Variants in TENM3 observed in about 807,000 individuals in gnomAD.
TENM3 encodes the protein teneurin-3.
Under a neutral mutation model 255.1 loss-of-function variants are expected in TENM3, and 63 were observed. The observed-to-expected ratio is 0.25, with a 90% CI of 0.20 to 0.30. The LOEUF (loss-of-function observed/expected upper bound fraction) is 0.30. TENM3 is among the 10% of genes least tolerant of loss of function. TENM3 has a pLI of 1.00. For missense variants in TENM3, 2,929 were observed against 3,461.1 expected (o/e 0.85, Z 3.86); for synonymous variants, 1,306 against 1,322.3 (o/e 0.99, Z 0.27).
chr4:182,671,404 C>T lies in TENM3; in HGVS notation c.1112-1601C>T, dbSNP rs181734557. Among the ~76,000 whole-genome samples the T allele has an allele frequency of 6.6e-5, 10 of 152,242 alleles. No individual in the cohort carries two copies. In the South Asian group the frequency reaches 1.2e-3, roughly 19 times the overall value. On this transcript the variant is annotated intron_variant, in intron 6 of 27. Coordinates refer to ENST00000511685, the MANE Select transcript of TENM3 (RefSeq NM_001080477.4). The stretch of plus-strand genomic sequence containing the variant: ...AGTTCCACGGCCATGCTTGTGATAG[C>T]GATGTTTATCCCAGCTCAGAAACCT...
intron 3 of TENM3, among the ~76,000 whole-genome samples, chr4:182,485,677 T>A (rs149408034): frequency 8.7e-4 from 132 of 152,224 alleles, no homozygotes; most frequent in African/African-American, 2.5e-3. Context: ...TTTCTGGAAT[T>A]TGGTATTTTA....
intron 1 of TENM3, among the ~76,000 whole-genome samples, chr4:182,206,088 G>A (rs1754555495): frequency 6.6e-6 from 1 of 151,792 alleles, no homozygotes; most frequent in Non-Finnish European, 1.5e-5. Flanking sequence ...TAAACTAACA[G>A]ATATAATAGG....
At position 182,518,525 on chromosome 4, in the gene TENM3, A is replaced by T. The variant is rs536068847; in HGVS notation, c.512-82399A>T. On this transcript the variant is annotated intron_variant, in intron 3 of 27. Coordinates refer to ENST00000511685, the MANE Select transcript of TENM3 (RefSeq NM_001080477.4). ...GCTTTCCAGTTAGCCTAAAAAAAAA[A>T]AATAGCAAACTGCTGTGTTATGAAG... is the stretch of plus-strand genomic sequence containing the variant. Among the ~76,000 whole-genome samples the T allele has an allele frequency of 4.0e-3, 608 of 152,300 alleles. 9 individuals are homozygous for T. Among genetic ancestry groups the T allele is most frequent in the African/African-American group, 0.013 (561 of 41,566 alleles).
intron 3 of TENM3, among the ~76,000 whole-genome samples, chr4:182,510,971 A>G (rs1045855772): frequency 5.9e-5 from 9 of 152,214 alleles, no homozygotes; most frequent in Non-Finnish European, 1.2e-4. Context: ...GCATTAGCCA[A>G]GAGCAGGCTT....
At chr4:181,973,777 T>G in the TENM3 span, among the ~76,000 whole-genome samples, 1 of 151,744 alleles carries the variant, frequency 6.6e-6, no homozygotes, top group Admixed American at 6.6e-5. Flanking sequence ...TAAATATGAA[T>G]AAAATAAGTA....
the TENM3 span, among the ~76,000 whole-genome samples, chr4:181,703,221 T>A: frequency 5.3e-5 from 8 of 152,106 alleles, no homozygotes; most frequent in Non-Finnish European, 1.2e-4. Flanking sequence ...ACCAGCCAAG[T>A]CTCTCCTGGT....
chr4:181,908,169 C>G, the TENM3 span, among the ~76,000 whole-genome samples: 1 of 152,002 alleles, frequency 6.6e-6, no homozygotes, highest in Non-Finnish European at 1.5e-5. Flanking sequence ...TCAGTTGATT[C>G]TTAGGTTGTT....
At chr4:182,639,170 C>A (rs1410912338) in intron 5 of TENM3, among the ~76,000 whole-genome samples, 1 of 152,106 alleles carries the variant, frequency 6.6e-6, no homozygotes, top group Non-Finnish European at 1.5e-5. Context: ...TCTTATATGA[C>A]AAGATATAAT....
chr4:181,533,446 T>G, the TENM3 span, among the ~76,000 whole-genome samples: 6 of 152,182 alleles, frequency 3.9e-5, no homozygotes, highest in Non-Finnish European at 8.8e-5. Flanking sequence ...CATTCACCTT[T>G]ATGTTCTCAA....
the TENM3 span, among the ~76,000 whole-genome samples, chr4:181,814,195 AC>A: frequency 1.3e-5 from 2 of 152,174 alleles, no homozygotes; most frequent in African/African-American, 4.8e-5. Flanking sequence ...GGCAATGTGT[AC>A]TAGACACATG....
chr4:181,543,216 G>C, the TENM3 span, among the ~76,000 whole-genome samples: 2 of 152,074 alleles, frequency 1.3e-5, no homozygotes, highest in Non-Finnish European at 2.9e-5. Flanking sequence ...CTTCAAACGT[G>C]TGTACTCAAA....
chr4:181,629,376 G>A, the TENM3 span, among the ~76,000 whole-genome samples: 1 of 152,164 alleles, frequency 6.6e-6, no homozygotes, highest in Non-Finnish European at 1.5e-5. Flanking sequence ...ACACTGTGTT[G>A]AATAGGAGTG....
intron 7 of TENM3, among the ~76,000 whole-genome samples, chr4:182,677,334 A>G (rs1165014185): frequency 6.6e-6 from 1 of 152,272 alleles, no homozygotes; most frequent in East Asian, 1.9e-4. Context: ...GGTTATTTCT[A>G]TGATAAAGGT....
chr4:182,731,994 G>C (rs1236044419), intron 16 of TENM3, among the ~76,000 whole-genome samples: 5 of 151,864 alleles, frequency 3.3e-5, no homozygotes, highest in Admixed American at 2.0e-4. Context: ...TGTTGGCCAG[G>C]ATGGTCTCCA....
At chr4:182,466,844 C>T (rs2151427324) in intron 3 of TENM3, among the ~76,000 whole-genome samples, 1 of 143,084 alleles carries the variant, frequency 7.0e-6, no homozygotes, top group Non-Finnish European at 1.5e-5. Flanking sequence ...CTTCTCTTTG[C>T]TGTCTTCAGT....
intron 1 of TENM3, among the ~76,000 whole-genome samples, chr4:182,244,777 A>G (rs1757533165): frequency 6.6e-6 from 1 of 152,234 alleles, no homozygotes; most frequent in Admixed American, 6.5e-5. Flanking sequence ...TTAGGAAACC[A>G]TTCCAACTGT....
intron 3 of TENM3, among the ~76,000 whole-genome samples, chr4:182,414,107 G>A (rs185636288): frequency 2.6e-5 from 4 of 152,190 alleles, no homozygotes; most frequent in Non-Finnish European, 5.9e-5. Flanking sequence ...TCCAAATTTA[G>A]TTTCTAGAAA....
At chr4:182,610,211 G>A (rs1051470517) in intron 4 of TENM3, among the ~76,000 whole-genome samples, 2 of 152,142 alleles carry the variant, frequency 1.3e-5, no homozygotes, top group African/African-American at 2.4e-5. Flanking sequence ...CTGAGATAGT[G>A]GTGTCTTAGA....
the TENM3 span, among the ~76,000 whole-genome samples, chr4:182,063,959 G>T: frequency 6.6e-6 from 1 of 152,274 alleles, no homozygotes; most frequent in Non-Finnish European, 1.5e-5. Context: ...TGCAGGAACA[G>T]ATGATATGGA....
Sources: gnomAD v4.1 joint callset for allele counts (sites outside exome capture counted in the v4.1 genomes callset) on GRCh38, gnomAD v4.1.1 for gene constraint, MANE v1.5 for transcripts, NCBI Gene and HGNC (gene_info 2026-07-23, HGNC 2026-07-21) for gene names.